RBCK1: variants seen among roughly 807,000 people sequenced by gnomAD.
RBCK1 encodes the protein ranBP-type and C3HC4-type zinc finger-containing protein 1.
A neutral mutation model predicts 71.1 loss-of-function variants in RBCK1; 44 were observed. The observed-to-expected ratio is 0.62, with a 90% CI of 0.49 to 0.80. The LOEUF (loss-of-function observed/expected upper bound fraction) is 0.80. Among genes scored for constraint, RBCK1 ranks in the 30% least tolerant of loss-of-function variants. The pLI, the probability that RBCK1 is intolerant of heterozygous loss-of-function variation, is 0.00. For synonymous variants in RBCK1, 306 were observed against 279.7 expected (o/e 1.09, Z -0.94); for missense variants, 569 against 685.0 (o/e 0.83, Z 1.89).
At chr20:410,986 TG>T (rs2015673304) in intron 2 of RBCK1, among the ~76,000 whole-genome samples, 1 of 152,200 alleles carries the variant, frequency 6.6e-6, no homozygotes, top group Admixed American at 6.5e-5. Context: ...TTCATCATCC[TG>T]TAAAGAAACC....
Position 431,624 on chromosome 20 carries a change from G to T in RBCK1, c.*1194G>T, listed in dbSNP as rs891474930. The stretch of plus-strand genomic sequence containing the variant: ...AAGGCCTGTGATTTTGTGGGGAAGG[G>T]CCTGTTCTAGCAACTGGAAAGGCAC... On this transcript the variant is annotated 3_prime_UTR_variant, in exon 12 of 12. Transcript: ENST00000356286. This position sits in a 1 kb window ranked among gnomAD's most constrained non-coding sequence, Gnocchi z 4.8. 1.3e-5 allele frequency among the ~76,000 whole-genome samples: 2 copies of T among 152,156 alleles called. No homozygotes were observed. Among genetic ancestry groups the T allele is most frequent in the African/African-American group, 4.8e-5 (2 of 41,432 alleles).
chr20:419,216 C>A, intron 4 of RBCK1, 131 bp from the exon 5 acceptor site: 1 of 1,279,510 alleles, frequency 7.8e-7, no homozygotes, highest in Non-Finnish European at 1.1e-6. Context: ...CAGATGGAAG[C>A]TGGAGGTACC....
chr20:410,959 A>G (rs2015671953), intron 2 of RBCK1, among the ~76,000 whole-genome samples: 1 of 152,148 alleles, frequency 6.6e-6, no homozygotes, highest in African/African-American at 2.4e-5. Flanking sequence ...CATTGCCACA[A>G]TCAATTTTAG....
In RBCK1 at chr20:429,216, C is replaced by T. The variant is rs1167477579; in HGVS notation, c.1452+122C>T. On this transcript the variant is annotated intron_variant, in intron 11 of 11. Coordinates refer to ENST00000356286, the MANE Select transcript of RBCK1 (RefSeq NM_031229.4). ...CCAGCACCTGAATTTGTACAGCTCC[C>T]GAGGTAAGAATTTTTTTTTTTTTTT... is the stretch of plus-strand genomic sequence containing the variant. 1.6e-5 allele frequency: 21 copies of T among 1,326,262 alleles called. No homozygotes were observed. The Admixed American group carries it at 1.6e-4, about 10-fold the overall frequency. 82.2% of individuals were successfully genotyped at this position (1,326,262 alleles called of 1,614,324 possible).
At chr20:425,828 T>C (rs1025164185) in intron 8 of RBCK1, among the ~76,000 whole-genome samples, 3 of 152,164 alleles carry the variant, frequency 2.0e-5, no homozygotes, top group Non-Finnish European at 2.9e-5. Context: ...GGTTTCACTA[T>C]GTTGGCCAAG....
rs186759136 is a variant in RBCK1, at chr20:409,084, G to A, written c.22+305G>A. ...AGACGTCAGTTGACCTGAGAAGCAG[G>A]GGTACTTGCCTCTTCTCTTGTCCCC... On this transcript the variant is annotated intron_variant, in intron 1 of 11. Coordinates refer to ENST00000356286, the MANE Select transcript of RBCK1 (RefSeq NM_031229.4). Among the ~76,000 whole-genome samples, 92 of 152,326 alleles carry A rather than the reference G, an allele frequency of 6.0e-4. 1 individual carries two copies. The highest frequency in any genetic ancestry group is 2.0e-3 in the Admixed American group (30 of 15,306).
intron 1 of RBCK1, 127 bp from the exon 2 acceptor site, chr20:409,754 C>G (rs182484272): frequency 7.1e-7 from 1 of 1,414,564 alleles, no homozygotes. Flanking sequence ...CTGAAGGATA[C>G]GTAGGAGTTC....
intron 2 of RBCK1, 35 bp downstream of exon 2, chr20:410,060 C>A: frequency 6.3e-7 from 1 of 1,599,410 alleles, no homozygotes; most frequent in South Asian, 1.1e-5. Context: ...ACCCAAGGGA[C>A]AGCAGGACAG....
Position 417,686 on chromosome 20 carries a change from T to C in RBCK1, c.262-46T>C, listed in dbSNP as rs371556646. 7.0e-5 allele frequency: 112 copies of C among 1,603,604 alleles called. No homozygotes were observed. The highest frequency in any genetic ancestry group is 3.3e-5 in the Admixed American group (2 of 59,870). ...CCCTTTCACTCCTGCTTCCTCTCTC[T>C]CCTCTGGCCCTCCCTTCCCACTCTC... On this transcript the variant is annotated intron_variant, in intron 3 of 11. Transcript: ENST00000356286. The surrounding 1 kb of genome is among the most constrained non-coding windows in gnomAD (Gnocchi z 4.7).
rs2016033619 is a variant in RBCK1, at chr20:417,101, G to A, written c.168-425G>A. The A allele has an allele frequency of 2.3e-6, 1 of 426,910 alleles. No individual in the cohort carries two copies. Among genetic ancestry groups the A allele is most frequent in the African/African-American group, 2.0e-5 (1 of 48,924 alleles). The allele number at this position is 426,910 out of a possible 1,614,324, so 26.4% of individuals were successfully genotyped here. On this transcript the variant is annotated intron_variant, in intron 2 of 11. Transcript: ENST00000356286. This position sits in a 1 kb window ranked among gnomAD's most constrained non-coding sequence, Gnocchi z 4.7. Reference sequence around the variant, plus strand: ...GCCTCACATTTTTATCTGTAAAACAGGGATACAGCAGTACCTGTCTGATGG... The same window carrying A: ...GCCTCACATTTTTATCTGTAAAACAAGGATACAGCAGTACCTGTCTGATGG...
At chr20:420,161 T>C (rs1402024680) in intron 6 of RBCK1, 4 of 984,922 alleles carry the variant, frequency 4.1e-6, no homozygotes, top group Non-Finnish European at 4.8e-6. Context: ...CACCCTGGAC[T>C]CTCCTACTCC....
At chr20:410,717 T>A in intron 2 of RBCK1, 1 of 595,860 alleles carries the variant, frequency 1.7e-6, no homozygotes, top group Non-Finnish European at 3.0e-6. Flanking sequence ...CTTTGCACAA[T>A]GCCTGGCGTG....
In RBCK1 at chr20:431,077, C is replaced by T. The variant is rs565813341; in HGVS notation, c.*647C>T. 1 of 152,658 alleles carries T rather than the reference C, an allele frequency of 6.6e-6. No individual in the cohort carries two copies. The highest frequency in any genetic ancestry group is 2.1e-4 in the South Asian group (1 of 4,844). 9.5% of individuals were successfully genotyped at this position (152,658 alleles called of 1,614,324 possible). On this transcript the variant is annotated 3_prime_UTR_variant, in exon 12 of 12. Coordinates refer to ENST00000356286, the MANE Select transcript of RBCK1 (RefSeq NM_031229.4). The surrounding 1 kb of genome is among the most constrained non-coding windows in gnomAD (Gnocchi z 4.8). The stretch of plus-strand genomic sequence containing the variant: ...TGCATCAGAAAGTTGACTTGTCAGT[C>T]CATCTGTGGTAGAATGAGGCTGTGA...
At chr20:414,432 A>C (rs1431216079) in intron 2 of RBCK1, among the ~76,000 whole-genome samples, 1 of 152,198 alleles carries the variant, frequency 6.6e-6, no homozygotes, top group African/African-American at 2.4e-5. Flanking sequence ...TTGGCTGTAC[A>C]CCTAGAGACT....
At chr20:429,226 A>ATTTTT in intron 11 of RBCK1, 132 bp downstream of exon 11, 1 of 1,002,906 alleles carries the variant, frequency 1.0e-6, no homozygotes, top group Non-Finnish European at 1.3e-6. Flanking sequence ...CGAGGTAAGA[A>ATTTTT]TTTTTTTTTT....
chr20:415,005 A>G (rs1348991549), intron 2 of RBCK1, among the ~76,000 whole-genome samples: 1 of 152,242 alleles, frequency 6.6e-6, no homozygotes, highest in Non-Finnish European at 1.5e-5. Context: ...AAGAATTTTG[A>G]GAGCATTTTC....
Position 417,976 on chromosome 20 carries a change from A to G in RBCK1, c.460+46A>G, listed in dbSNP as rs766673147. On this transcript the variant is annotated intron_variant, in intron 4 of 11. Coordinates refer to ENST00000356286, the MANE Select transcript of RBCK1 (RefSeq NM_031229.4). This position sits in a 1 kb window ranked among gnomAD's most constrained non-coding sequence, Gnocchi z 4.7. ...CCGCCGGACCCAGCGGGGGCCCTGG[A>G]CTCACTTGAGGGCATAGGGCAAGCA... 6.4e-7 allele frequency: 1 copy of G among 1,565,586 alleles called. No individual in the cohort carries two copies. The highest frequency in any genetic ancestry group is 8.6e-7 in the Non-Finnish European group (1 of 1,159,206).
At chr20:419,518 C>T (rs747884624) in intron 5 of RBCK1, 40 bp from the exon 6 acceptor site, 4 of 1,604,406 alleles carry the variant, frequency 2.5e-6, no homozygotes, top group Non-Finnish European at 3.4e-6. Flanking sequence ...TCCCTTGCCT[C>T]ACCCTGCCCA....
chr20:431,586 G>T lies in RBCK1; in HGVS notation c.*1156G>T, dbSNP rs184512324. 2.3e-3 allele frequency among the ~76,000 whole-genome samples: 346 copies of T among 152,256 alleles called. 1 individual carries two copies. The highest frequency in any genetic ancestry group is 7.3e-3 in the African/African-American group (304 of 41,544). ...ACCATCATCATAGCAGGCAGAGGGCGCCTCTGCTGCTGAAGGCCTGTGATT... is the reference window on the plus strand; with the variant it reads ...ACCATCATCATAGCAGGCAGAGGGCTCCTCTGCTGCTGAAGGCCTGTGATT... On this transcript the variant is annotated 3_prime_UTR_variant, in exon 12 of 12. Coordinates refer to ENST00000356286, the MANE Select transcript of RBCK1 (RefSeq NM_031229.4). The surrounding 1 kb of genome is among the most constrained non-coding windows in gnomAD (Gnocchi z 4.8).
Sources: allele counts gnomAD v4.1 joint callset (sites outside exome capture counted in the v4.1 genomes callset), GRCh38; gene constraint gnomAD v4.1.1; non-coding constraint Gnocchi (gnomAD v3.1); transcripts MANE v1.5; gene names NCBI Gene and HGNC (gene_info 2026-07-23, HGNC 2026-07-21).